The following NARS2 variants were observed in gnomAD, a reference collection of about 807,000 sequenced individuals.
NARS2 encodes the protein asparaginyl-tRNA synthetase 2, mitochondrial.
Under a neutral mutation model 62.9 loss-of-function variants are expected in NARS2, and 60 were observed. The observed-to-expected ratio is 0.95, with a 90% CI of 0.77 to 1.18. The LOEUF is 1.18. Among genes scored for constraint, NARS2 ranks in the 50% most tolerant of loss-of-function variants. The pLI, the probability that NARS2 is intolerant of heterozygous loss-of-function variation, is 0.00. For missense variants in NARS2, 619 were observed against 576.4 expected (o/e 1.07, Z -0.76); for synonymous variants, 196 against 200.0 (o/e 0.98, Z 0.17).
At position 78,438,700 on chromosome 11, in the gene NARS2, G is replaced by A. The variant is rs183226854; in HGVS notation, c.1290-1886C>T. 7.2e-5 allele frequency among the ~76,000 whole-genome samples: 11 copies of A among 152,274 alleles called. No individual in the cohort carries two copies. In the East Asian group the frequency reaches 2.1e-3, roughly 29 times the overall value. On this transcript the variant is annotated intron_variant, in intron 13 of 13. Transcript: ENST00000281038. ...ATTGGTTCCAGGGTAGCGAGATTAT[G>A]GAAGAGATGCTACGAAATTTGTGGA...
At chr11:78,483,404 G>T (rs754071107) in intron 7 of NARS2, among the ~76,000 whole-genome samples, 1 of 152,144 alleles carries the variant, frequency 6.6e-6, no homozygotes, top group Admixed American at 6.5e-5. Flanking sequence ...TCAGGCAAAA[G>T]AAATAAATAA....
chr11:78,528,482 G>A (rs566745745), intron 6 of NARS2, among the ~76,000 whole-genome samples: 9 of 152,056 alleles, frequency 5.9e-5, no homozygotes, highest in African/African-American at 1.2e-4. Context: ...AAATTATTCC[G>A]TCTGTTTCAA....
chr11:78,484,371 A>G (rs1859484078), intron 7 of NARS2, among the ~76,000 whole-genome samples: 1 of 152,220 alleles, frequency 6.6e-6, no homozygotes, highest in Admixed American at 6.5e-5. Context: ...AACTGCAACA[A>G]AAGCCAAAAT....
intron 3 of NARS2, among the ~76,000 whole-genome samples, chr11:78,567,521 C>T (rs10751297): frequency 0.71 from 107,644 of 151,992 alleles, 38,695 homozygotes; most frequent in Non-Finnish European, 0.79. Context: ...GTGAAACACA[C>T]GGCAAATTTT....
At chr11:78,455,818 T>G (rs1337757564) in intron 11 of NARS2, among the ~76,000 whole-genome samples, 12 of 151,926 alleles carry the variant, frequency 7.9e-5, no homozygotes, top group Non-Finnish European at 8.8e-5. Context: ...GTGACTATAC[T>G]GCTGCACTGA....
chr11:78,456,744 C>T (rs769179672), intron 11 of NARS2, among the ~76,000 whole-genome samples: 4 of 152,190 alleles, frequency 2.6e-5, no homozygotes, highest in African/African-American at 4.8e-5. Context: ...CCTAATTACA[C>T]GTGTGTAGAA....
chr11:78,452,915 G>A (rs1360473314), intron 11 of NARS2, among the ~76,000 whole-genome samples: 1 of 152,182 alleles, frequency 6.6e-6, no homozygotes, highest in Non-Finnish European at 1.5e-5. Context: ...GGTAGGACCA[G>A]AAGATACACA....
rs564818624 is a variant in NARS2 at position 78,452,828 on chromosome 11, T to C, written c.1165-9070A>G. ...CCACAGCCAAAAATCAGCCATAAAC[T>C]TGAATTTTTAAAAGTCCTTCTGAAT... On this transcript the variant is annotated intron_variant, in intron 11 of 13. Coordinates refer to ENST00000281038, the MANE Select transcript of NARS2 (RefSeq NM_024678.6). Among the ~76,000 whole-genome samples the C allele has an allele frequency of 4.2e-4, 64 of 152,324 alleles. No individual in the cohort carries two copies. In the South Asian group the frequency reaches 0.012, roughly 29 times the overall value.
At chr11:78,532,152 T>C (rs188299651) in intron 5 of NARS2, among the ~76,000 whole-genome samples, 3 of 152,268 alleles carry the variant, frequency 2.0e-5, no homozygotes, top group Non-Finnish European at 4.4e-5. Flanking sequence ...GTACTTATGG[T>C]AGTGATAAAG....
At chr11:78,509,470 A>G (rs1860632593) in intron 6 of NARS2, among the ~76,000 whole-genome samples, 1 of 152,162 alleles carries the variant, frequency 6.6e-6, no homozygotes, top group Non-Finnish European at 1.5e-5. Flanking sequence ...AATTATATAA[A>G]CCTGATGCCT....
intron 5 of NARS2, chr11:78,546,593 T>G (rs1409359894): frequency 6.6e-6 from 1 of 152,236 alleles, no homozygotes; most frequent in Non-Finnish European, 1.5e-5. Flanking sequence ...GCACATGTCA[T>G]GTAGTCAATT....
At chr11:78,485,036 C>T (rs1202361976) in intron 7 of NARS2, among the ~76,000 whole-genome samples, 13 of 152,166 alleles carry the variant, frequency 8.5e-5, no homozygotes. Flanking sequence ...ACTGTATGCA[C>T]CATGGAATAC....
chr11:78,546,920 T>A (rs1379235637), intron 5 of NARS2, among the ~76,000 whole-genome samples: 1 of 152,246 alleles, frequency 6.6e-6, no homozygotes, highest in African/African-American at 2.4e-5. Context: ...GAAGCACTAC[T>A]TGATGCAACA....
At chr11:78,518,270 C>T (rs889315896) in intron 6 of NARS2, among the ~76,000 whole-genome samples, 2 of 152,258 alleles carry the variant, frequency 1.3e-5, no homozygotes, top group South Asian at 4.1e-4. Context: ...TGGGCATCTG[C>T]AAGTTTTGGT....
At chr11:78,455,476 G>A (rs1051281750) in intron 11 of NARS2, among the ~76,000 whole-genome samples, 4 of 151,856 alleles carry the variant, frequency 2.6e-5, no homozygotes, top group African/African-American at 9.7e-5. Context: ...AGCACCATAC[G>A]GATCAATAAA....
Position 78,475,507 on chromosome 11 carries a change from A to G in NARS2, c.959+2931T>C, listed in dbSNP as rs765364140. On this transcript the variant is annotated intron_variant, in intron 9 of 13. Coordinates refer to ENST00000281038, the MANE Select transcript of NARS2 (RefSeq NM_024678.6). ...ACTATCCTCCATAATAGCTCTACTA[A>G]TTTACATTGCCACTAACAGTTATAA... Among the ~76,000 whole-genome samples, 25 of 150,942 alleles carry G rather than the reference A, an allele frequency of 1.7e-4. No individual in the cohort carries two copies. The Middle Eastern group carries it at 0.017, about 104-fold the overall frequency.
intron 4 of NARS2, among the ~76,000 whole-genome samples, chr11:78,565,169 T>G (rs1322200850): frequency 2.0e-5 from 3 of 152,170 alleles, no homozygotes; most frequent in Non-Finnish European, 4.4e-5. Flanking sequence ...CTTTCCCAGG[T>G]AGAGGGAAAT....
chr11:78,521,789 C>CAAAAAAAAA (rs58282524), intron 6 of NARS2, among the ~76,000 whole-genome samples: 10 of 96,324 alleles, frequency 1.0e-4, no homozygotes, highest in African/African-American at 3.8e-4. Flanking sequence ...GACTCCGTCT[C>CAAAAAAAAA]AAAAAAAAAA....
In NARS2 at chr11:78,520,532, C is replaced by A. The variant is rs867402420; in HGVS notation, c.689+8310G>T. On this transcript the variant is annotated intron_variant, in intron 6 of 13. Transcript: ENST00000281038. ...GTTGCAATCACAGGTTAGGACTTGT[C>A]TTTTTTCAGGACACGGTTCAAGCAA... Among the ~76,000 whole-genome samples, 144 of 152,232 alleles carry A rather than the reference C, an allele frequency of 9.5e-4. 1 individual carries two copies. The highest frequency in any genetic ancestry group is 1.6e-3 in the Non-Finnish European group (110 of 68,002).
Sources: gnomAD v4.1 joint callset for allele counts (sites outside exome capture counted in the v4.1 genomes callset) on GRCh38, gnomAD v4.1.1 for gene constraint, MANE v1.5 for transcripts, NCBI Gene and HGNC (gene_info 2026-07-23, HGNC 2026-07-21) for gene names.